ZNF385D: variants seen among roughly 807,000 people sequenced by gnomAD.
ZNF385D encodes zinc finger protein 385D, also known as zinc finger protein 659.
ZNF385D carries 15 observed loss-of-function variants against 35.8 expected under a neutral mutation model. The ratio of observed to expected loss-of-function variants is 0.42; its 90% CI spans 0.28 to 0.64. The LOEUF is 0.64. Ranked by LOEUF, ZNF385D falls within the 30% of genes least tolerant of loss-of-function variation. The pLI, the probability that ZNF385D is intolerant of heterozygous loss-of-function variation, is 0.23. For synonymous variants in ZNF385D, 212 were observed against 186.8 expected (o/e 1.13, Z -1.10); for missense variants, 474 against 494.6 (o/e 0.96, Z 0.39).
chr3:21,437,338 A>C, intron 4 of ZNF385D, 135 bp from the exon 5 acceptor site: 1 of 739,858 alleles, frequency 1.4e-6, no homozygotes, highest in Non-Finnish European at 2.1e-6. Flanking sequence ...TCAAGGATGC[A>C]TCAATCACCT....
rs115093679 is a variant in ZNF385D, at chr3:22,245,696, G to T, written c.107-76661C>A. Among the ~76,000 whole-genome samples the T allele has an allele frequency of 6.1e-3, 898 of 146,878 alleles. 6 individuals carry two copies. Among genetic ancestry groups the T allele is most frequent in the African/African-American group, 0.021 (850 of 40,264 alleles). ...TATGAAGGATTCAAGTGAAAACTGT[G>T]AAGAGGAAAGTGGTTCAGCAAATTG... On this transcript the variant is annotated intron_variant, in intron 2 of 5. Coordinates refer to the ZNF385D transcript ENST00000494108.
chr3:22,230,468 T>G (rs968190875), intron 2 of ZNF385D, among the ~76,000 whole-genome samples: 10 of 152,010 alleles, frequency 6.6e-5, no homozygotes, highest in African/African-American at 2.4e-4. Flanking sequence ...CTGAGGGGGA[T>G]TCCATCTGTT....
chr3:21,964,434 A>AG (rs1491412299), intron 3 of ZNF385D, among the ~76,000 whole-genome samples: 831 of 46,036 alleles, frequency 0.018, 25 homozygotes, highest in Non-Finnish European at 0.023. Flanking sequence ...AAAAAAAAAG[A>AG]AAAAAAAAAA....
chr3:21,455,797 C>T (rs934632468), intron 4 of ZNF385D, among the ~76,000 whole-genome samples: 8 of 152,120 alleles, frequency 5.3e-5, no homozygotes, highest in African/African-American at 1.9e-4. Flanking sequence ...TCAGAGTGAA[C>T]AGGCAACCTA....
intron 3 of ZNF385D, among the ~76,000 whole-genome samples, chr3:22,108,345 A>G (rs533786930): frequency 4.0e-5 from 6 of 151,878 alleles, no homozygotes; most frequent in African/African-American, 7.3e-5. Flanking sequence ...CAGAAACTAT[A>G]CATATAATGA....
At chr3:22,236,034 A>T (rs1486424768) in intron 2 of ZNF385D, among the ~76,000 whole-genome samples, 1 of 152,160 alleles carries the variant, frequency 6.6e-6, no homozygotes, top group East Asian at 1.9e-4. Context: ...TGCAACATTG[A>T]TTGTAACAGC....
intron 3 of ZNF385D, among the ~76,000 whole-genome samples, chr3:21,536,015 T>C (rs866523372): frequency 2.1e-4 from 23 of 109,118 alleles, no homozygotes; most frequent in African/African-American, 6.4e-4. Flanking sequence ...TGGAGCTGGA[T>C]CTATTATGTT....
chr3:21,794,362 CCTCTT>C (rs1190270836), intron 3 of ZNF385D, among the ~76,000 whole-genome samples: 2 of 152,020 alleles, frequency 1.3e-5, no homozygotes, highest in African/African-American at 4.8e-5. Context: ...AGCCACCTCT[CCTCTT>C]GAAAGCTAGA....
intron 2 of ZNF385D, among the ~76,000 whole-genome samples, chr3:22,299,332 G>A (rs1441826718): frequency 6.6e-6 from 1 of 151,502 alleles, no homozygotes; most frequent in Non-Finnish European, 1.5e-5. Context: ...AACACTTTAG[G>A]TTATTTTTGT....
chr3:22,169,959 C>T (rs955544965), intron 2 of ZNF385D, among the ~76,000 whole-genome samples: 5 of 152,178 alleles, frequency 3.3e-5, no homozygotes, highest in African/African-American at 4.8e-5. Flanking sequence ...CAATTATTGT[C>T]CAGTAAGATG....
intron 2 of ZNF385D, among the ~76,000 whole-genome samples, chr3:22,315,965 C>T (rs549413745): frequency 3.3e-5 from 5 of 152,166 alleles, no homozygotes; most frequent in African/African-American, 1.2e-4. Flanking sequence ...GTCATGTAGC[C>T]AGAGGTCACA....
chr3:21,554,025 T>C (rs909161581), intron 3 of ZNF385D, among the ~76,000 whole-genome samples: 1 of 152,206 alleles, frequency 6.6e-6, no homozygotes, highest in South Asian at 2.1e-4. Context: ...TAAATTCCTG[T>C]TAATGTGGAT....
At chr3:22,124,618 A>G (rs375801118) in intron 3 of ZNF385D, among the ~76,000 whole-genome samples, 93 of 152,220 alleles carry the variant, frequency 6.1e-4, no homozygotes, top group African/African-American at 2.1e-3. Flanking sequence ...AGCATTTTAA[A>G]TAGGGTGAGG....
At chr3:21,676,274 A>G (rs751427674) in intron 1 of ZNF385D, among the ~76,000 whole-genome samples, 2 of 152,134 alleles carry the variant, frequency 1.3e-5, no homozygotes, top group Non-Finnish European at 2.9e-5. Context: ...AATACCAAAA[A>G]GATACTCTGA....
chr3:21,426,429 G>A (rs968017769), intron 5 of ZNF385D, among the ~76,000 whole-genome samples: 6 of 152,060 alleles, frequency 3.9e-5, no homozygotes, highest in Non-Finnish European at 7.4e-5. Context: ...ATTGTCAACC[G>A]TTAACAACCC....
chr3:22,009,304 A>G (rs1696417739), intron 3 of ZNF385D, among the ~76,000 whole-genome samples: 1 of 151,986 alleles, frequency 6.6e-6, no homozygotes, highest in African/African-American at 2.4e-5. Context: ...ATACTATGGA[A>G]TATTATATAT....
At chr3:22,031,202 G>T (rs1476466997) in intron 3 of ZNF385D, among the ~76,000 whole-genome samples, 5 of 152,226 alleles carry the variant, frequency 3.3e-5, no homozygotes, top group Admixed American at 3.3e-4. Context: ...AATTTCTAGG[G>T]TCTGAAGAAT....
chr3:21,772,497 G>T (rs1225845974), intron 3 of ZNF385D, among the ~76,000 whole-genome samples: 1 of 151,816 alleles, frequency 6.6e-6, no homozygotes, highest in South Asian at 2.1e-4. Context: ...AAACATTAGA[G>T]AAATGCACAT....
At chr3:21,501,167 C>T (rs1193847909) in intron 4 of ZNF385D, among the ~76,000 whole-genome samples, 1 of 152,100 alleles carries the variant, frequency 6.6e-6, no homozygotes, top group East Asian at 1.9e-4. Context: ...GGCTGGTTTC[C>T]GTTCAATTTG....
Sources: allele counts gnomAD v4.1 joint callset (sites outside exome capture counted in the v4.1 genomes callset), GRCh38; gene constraint gnomAD v4.1.1; transcripts MANE v1.5; gene names NCBI Gene and HGNC (gene_info 2026-07-23, HGNC 2026-07-21).